The following MND1 variants were observed in gnomAD, a reference collection of about 807,000 sequenced individuals.
The protein encoded by MND1 is meiotic nuclear divisions 1.
A neutral mutation model predicts 35.1 loss-of-function variants in MND1; 28 were observed. The ratio of observed to expected loss-of-function variants is 0.80; its 90% CI spans 0.59 to 1.09. The LOEUF (loss-of-function observed/expected upper bound fraction) is 1.09. MND1 is among the 50% of genes least tolerant of loss of function. MND1 has a pLI of 0.00. For synonymous variants in MND1, 69 were observed against 70.5 expected (o/e 0.98, Z 0.11); for missense variants, 213 against 239.6 (o/e 0.89, Z 0.73).
chr4:153,402,086 C>T (rs566103138), intron 6 of MND1, among the ~76,000 whole-genome samples: 1 of 151,974 alleles, frequency 6.6e-6, no homozygotes, highest in African/African-American at 2.4e-5. Flanking sequence ...ACTGGGGAGG[C>T]GAAGGCTGCA....
upstream of MND1, chr4:153,344,668 C>A (rs961567544): frequency 3.6e-6 from 5 of 1,400,102 alleles, no homozygotes; most frequent in African/African-American, 4.5e-5. Context: ...CAAAATCAAA[C>A]GCGTCCTGGC....
At chr4:153,398,104 T>A (rs1033679595) in intron 6 of MND1, among the ~76,000 whole-genome samples, 3 of 151,400 alleles carry the variant, frequency 2.0e-5, no homozygotes, top group Non-Finnish European at 2.9e-5. Flanking sequence ...ATACCAGTCA[T>A]TTTTTTTTCC....
chr4:153,394,349 CTA>C lies in MND1; in HGVS notation c.351+16_351+17del. ...CCGATGTGAAACGGTAAGTTTGTGTCTATAGATTATTTTAATAATGGCAATTC... is the reference window on the plus strand; with the variant it reads ...CCGATGTGAAACGGTAAGTTTGTGTCTAGATTATTTTAATAATGGCAATTC... On this transcript the variant is annotated intron_variant, in intron 5 of 7. Transcript: ENST00000240488. The C allele has an allele frequency of 6.2e-7, 1 of 1,600,124 alleles. No individual in the cohort carries two copies. Among genetic ancestry groups the C allele is most frequent in the Non-Finnish European group, 8.5e-7 (1 of 1,171,374 alleles).
chr4:153,368,083 A>G (rs886127830), intron 4 of MND1, among the ~76,000 whole-genome samples: 7 of 152,222 alleles, frequency 4.6e-5, no homozygotes, highest in Non-Finnish European at 1.0e-4. Flanking sequence ...TTCATCACTC[A>G]GCAAATTTTT....
intron 4 of MND1, among the ~76,000 whole-genome samples, chr4:153,387,174 G>T (rs1298600098): frequency 6.6e-6 from 1 of 151,834 alleles, no homozygotes; most frequent in African/African-American, 2.4e-5. Flanking sequence ...TTTGTTTGTT[G>T]TTTTTTTGGT....
chr4:153,391,396 T>G (rs941034461), intron 4 of MND1, among the ~76,000 whole-genome samples: 2 of 152,130 alleles, frequency 1.3e-5, no homozygotes, highest in Non-Finnish European at 2.9e-5. Context: ...TTTTAAATTA[T>G]GACTTTATTT....
chr4:153,396,577 T>C (rs1292771501), intron 5 of MND1, among the ~76,000 whole-genome samples: 3 of 152,202 alleles, frequency 2.0e-5, no homozygotes, highest in South Asian at 2.1e-4. Flanking sequence ...GAAATACAAA[T>C]TGAATATGTA....
chr4:153,414,776 G>T lies in MND1; in HGVS notation c.537G>T (p.Trp179Cys). ...ATAACATATTCGCAATAAAATCTTG[G>T]GCCAAAAGAAAATTTGGGTTTGAAG... ...WTDNIFAIKS[W>C]AKRKFGFEEN... is the part of the protein sequence containing the mutation. Residue 179 changes from tryptophan to cysteine, a missense_variant, in exon 8 of 8, where the codon TGG (tryptophan) becomes TGT (cysteine). Transcript: ENST00000240488. 1 of 1,534,120 alleles carries T rather than the reference G, an allele frequency of 6.5e-7. No homozygotes were observed. The highest frequency in any genetic ancestry group is 8.8e-7 in the Non-Finnish European group (1 of 1,132,218).
chr4:153,392,516 A>T (rs931953108), intron 4 of MND1, among the ~76,000 whole-genome samples: 3 of 152,142 alleles, frequency 2.0e-5, no homozygotes, highest in Non-Finnish European at 4.4e-5. Context: ...ATATTTTTTA[A>T]GAAGGCCCTT....
chr4:153,385,436 C>T (rs2149648403), intron 4 of MND1, among the ~76,000 whole-genome samples: 1 of 152,160 alleles, frequency 6.6e-6, no homozygotes, highest in East Asian at 1.9e-4. Context: ...AGAGTATGGT[C>T]CAGGCACAGT....
rs10552163 is a variant in MND1, at chr4:153,408,912, G to GTATATATA, written c.467-44_467-37dup. The GTATATATA allele has an allele frequency of 9.4e-3, 2,983 of 317,920 alleles. 23 individuals are homozygous for GTATATATA. Among genetic ancestry groups the GTATATATA allele is most frequent in the African/African-American group, 0.034 (1,368 of 39,778 alleles). The allele number at this position is 317,920 out of a possible 1,614,324, so 19.7% of individuals were successfully genotyped here. A position where few individuals can be genotyped will look rare whatever the true frequency, so the allele number is the denominator to read the frequency against. Reference sequence around the variant, plus strand: ...TACATAGCTAAAGATCATTTTGTGTGTATATATATATATATATATATAAAT... The same window carrying GTATATATA: ...TACATAGCTAAAGATCATTTTGTGTGTATATATATATATATATATATATATATATAAAT... On this transcript the variant is annotated intron_variant, in intron 6 of 7. Coordinates refer to ENST00000240488, the MANE Select transcript of MND1 (RefSeq NM_032117.4).
At chr4:153,396,953 A>G (rs1423512191) in intron 5 of MND1, among the ~76,000 whole-genome samples, 1 of 152,088 alleles carries the variant, frequency 6.6e-6, no homozygotes, top group Admixed American at 6.6e-5. Context: ...TGAACCTCCC[A>G]CCTATTTATG....
At chr4:153,392,414 T>C (rs1729073241) in intron 4 of MND1, among the ~76,000 whole-genome samples, 1 of 152,170 alleles carries the variant, frequency 6.6e-6, no homozygotes, top group Non-Finnish European at 1.5e-5. Context: ...CGTAAACAGT[T>C]AGTTTTTTAT....
chr4:153,369,882 T>G (rs953572069), intron 4 of MND1, among the ~76,000 whole-genome samples: 5 of 152,106 alleles, frequency 3.3e-5, no homozygotes, highest in African/African-American at 1.2e-4. Context: ...CAATTAAGTT[T>G]CAGGAATATT....
chr4:153,410,462 A>G (rs1002446811), intron 7 of MND1, among the ~76,000 whole-genome samples: 4 of 152,178 alleles, frequency 2.6e-5, no homozygotes, highest in African/African-American at 9.7e-5. Context: ...TAAGAGAGAA[A>G]GCATCACACC....
At chr4:153,386,024 AT>A (rs1454138834) in intron 4 of MND1, among the ~76,000 whole-genome samples, 12 of 152,240 alleles carry the variant, frequency 7.9e-5, no homozygotes, top group African/African-American at 2.9e-4. Context: ...AGGTTCACTG[AT>A]TGTAGCAAAT....
intron 6 of MND1, among the ~76,000 whole-genome samples, chr4:153,406,935 C>T (rs1729526897): frequency 1.3e-5 from 2 of 152,172 alleles, no homozygotes; most frequent in African/African-American, 2.4e-5. Context: ...TGGTGGCAGA[C>T]GAGAAGAGAG....
intron 4 of MND1, among the ~76,000 whole-genome samples, chr4:153,386,493 G>C (rs1240812548): frequency 1.3e-5 from 2 of 151,978 alleles, no homozygotes; most frequent in Non-Finnish European, 2.9e-5. Context: ...GGGAGACTGT[G>C]GATCATGAGG....
At chr4:153,354,663 C>G (rs1001288175) in intron 2 of MND1, among the ~76,000 whole-genome samples, 1 of 152,074 alleles carries the variant, frequency 6.6e-6, no homozygotes, top group Non-Finnish European at 1.5e-5. Context: ...CTACCACACC[C>G]AGCTAATTTT....
Sources: allele counts gnomAD v4.1 joint callset (sites outside exome capture counted in the v4.1 genomes callset), GRCh38; gene constraint gnomAD v4.1.1; transcripts MANE v1.5; gene names NCBI Gene and HGNC (gene_info 2026-07-23, HGNC 2026-07-21).